The following RAC1 variants were observed in gnomAD, a reference collection of about 807,000 sequenced individuals.
RAC1 encodes ras-related C3 botulinum toxin substrate 1.
Under a neutral mutation model 25.2 loss-of-function variants are expected in RAC1, and 2 were observed. That is an observed-to-expected ratio of 0.08 (90% CI 0.03 to 0.25). The LOEUF is 0.25. RAC1 is among the 10% of genes least tolerant of loss of function. RAC1 has a pLI of 1.00. For missense variants in RAC1, 50 were observed against 235.7 expected, an observed-to-expected ratio of 0.21 and a Z score of 5.16; for synonymous variants, 88 against 94.0, an observed-to-expected ratio of 0.94 and a Z score of 0.37.
intron 2 of RAC1, among the ~76,000 whole-genome samples, chr7:6,389,705 T>G (rs1277982966): frequency 6.6e-6 from 1 of 152,014 alleles, no homozygotes; most frequent in East Asian, 1.9e-4. Flanking sequence ...AAATATGTGT[T>G]TTTGTAGAGC....
intron 3 of RAC1, among the ~76,000 whole-genome samples, chr7:6,393,735 T>A (rs1345789219): frequency 6.6e-6 from 1 of 152,140 alleles, no homozygotes; most frequent in Non-Finnish European, 1.5e-5. Flanking sequence ...CTCAGGTAGT[T>A]CACAGAAAAG....
intron 3 of RAC1, among the ~76,000 whole-genome samples, chr7:6,395,215 C>G (rs1783201653): frequency 6.6e-6 from 1 of 152,218 alleles, no homozygotes; most frequent in Non-Finnish European, 1.5e-5. Context: ...ATCCGCCTGC[C>G]TCTGCCTCCC....
At chr7:6,380,155 T>G (rs1200217640) in intron 1 of RAC1, among the ~76,000 whole-genome samples, 3 of 152,216 alleles carry the variant, frequency 2.0e-5, no homozygotes, top group Non-Finnish European at 4.4e-5. Context: ...TCTTTACTTC[T>G]GTTGAACGGT....
At chr7:6,400,834 C>G (rs948345168) in intron 4 of RAC1, among the ~76,000 whole-genome samples, 1 of 152,064 alleles carries the variant, frequency 6.6e-6, no homozygotes, top group Admixed American at 6.6e-5. Flanking sequence ...CACCACCACG[C>G]CCGGCTAATT....
intron 1 of RAC1, 36 bp downstream of exon 1, chr7:6,374,806 G>A: frequency 5.4e-6 from 6 of 1,105,734 alleles, no homozygotes; most frequent in Non-Finnish European, 5.5e-6. Context: ...GGAGGCCGCG[G>A]GATCGGGCGC....
intron 3 of RAC1, chr7:6,398,565 A>T: frequency 9.1e-7 from 1 of 1,093,582 alleles, no homozygotes; most frequent in Non-Finnish European, 1.4e-6. Flanking sequence ...CCGGAGGGTT[A>T]AGACAAAATT....
chr7:6,382,829 C>G (rs1782808649), intron 1 of RAC1, among the ~76,000 whole-genome samples: 2 of 152,204 alleles, frequency 1.3e-5, no homozygotes, highest in Non-Finnish European at 2.9e-5. Flanking sequence ...GCCAGGATTG[C>G]ACCATTGGGC....
intron 3 of RAC1, among the ~76,000 whole-genome samples, chr7:6,393,488 A>G (rs534232036): frequency 1.5e-4 from 23 of 152,292 alleles, no homozygotes; most frequent in African/African-American, 4.8e-4. Flanking sequence ...AAGGCCTCAC[A>G]GTAAGTCAAG....
chr7:6,376,567 A>G (rs1583255363), intron 1 of RAC1, among the ~76,000 whole-genome samples: 1 of 130,926 alleles, frequency 7.6e-6, no homozygotes, highest in Non-Finnish European at 1.5e-5. Context: ...CAATGGCGCG[A>G]TCTCTGCTCC....
intron 3 of RAC1, among the ~76,000 whole-genome samples, chr7:6,395,233 T>A (rs906126302): frequency 6.6e-6 from 1 of 152,196 alleles, no homozygotes; most frequent in Non-Finnish European, 1.5e-5. Flanking sequence ...CCCAAAGTGC[T>A]GGGATTACAG....
At position 6,402,908 on chromosome 7, in the gene RAC1, A is replaced by G. The variant is rs1783459637; in HGVS notation, c.*462A>G. 5.2e-6 allele frequency: 1 copy of G among 192,888 alleles called. No individual in the cohort carries two copies. The highest frequency in any genetic ancestry group is 1.1e-5 in the Non-Finnish European group (1 of 92,122). 11.9% of individuals were successfully genotyped at this position (192,888 alleles called of 1,614,324 possible). ...TATGTAGTTCTCAGATGCGTAAAGC[A>G]GAACAGCCTCCCGAATGAAGCGTTG... On this transcript the variant is annotated 3_prime_UTR_variant, in exon 6 of 6. Transcript: ENST00000348035.
intron 2 of RAC1, 97 bp downstream of exon 2, chr7:6,387,380 T>C (rs1782953341): frequency 5.9e-6 from 5 of 845,508 alleles, no homozygotes; most frequent in Non-Finnish European, 9.5e-6. Flanking sequence ...AATCCTCATA[T>C]GAACAGATAC....
chr7:6,403,145 G>A lies in RAC1; in HGVS notation c.*699G>A, dbSNP rs1562472040. 2.8e-5 allele frequency: 6 copies of A among 217,122 alleles called. No homozygotes were observed. In the East Asian group the frequency reaches 4.1e-4, roughly 15 times the overall value. The allele number at this position is 217,122 out of a possible 1,614,324, so 13.4% of individuals were successfully genotyped here. On this transcript the variant is annotated 3_prime_UTR_variant, in exon 6 of 6. Coordinates refer to ENST00000348035, the MANE Select transcript of RAC1 (RefSeq NM_006908.5). ...TGGGTGTGCCGGGTGGGGTGTGTGT[G>A]ATCAAAGGACAAAGACAGTATTTTG...
intron 1 of RAC1, among the ~76,000 whole-genome samples, chr7:6,386,844 T>G (rs1782937104): frequency 6.6e-6 from 1 of 151,010 alleles, no homozygotes; most frequent in Admixed American, 6.6e-5. Context: ...AGGATCAAAC[T>G]TAAGATTCTT....
intron 4 of RAC1, 114 bp downstream of exon 4, chr7:6,400,302 A>G (rs1440509708): frequency 1.6e-5 from 17 of 1,068,322 alleles, no homozygotes; most frequent in East Asian, 4.8e-5. Context: ...GGTTTTAGCA[A>G]TTTGCTACTT....
intron 1 of RAC1, 51 bp downstream of exon 1, chr7:6,374,821 G>C (rs2303362): frequency 1.5e-4 from 158 of 1,088,588 alleles, no homozygotes; most frequent in African/African-American, 1.4e-4. Flanking sequence ...GGGCGCGGAG[G>C]GGGGTTGGGC....
At chr7:6,401,604 C>CT (rs1562470969) in intron 4 of RAC1, 3 of 276,238 alleles carry the variant, frequency 1.1e-5, no homozygotes, top group Non-Finnish European at 6.8e-6. Context: ...CCCTTCCCCC[C>CT]TTCCCCTGCG....
rs2115218982 is a variant in RAC1 at position 6,402,438 on chromosome 7, C to A, written c.571C>A (p.Leu191Met). The A allele has an allele frequency of 6.8e-7, 1 of 1,468,866 alleles. No homozygotes were observed. The allele number at this position is 1,468,866 out of a possible 1,614,324, so 91.0% of individuals were successfully genotyped here. ...GAAGAAGAGGAAGAGAAAATGCCTGCTGTTGTAAATGTCTCAGCCCCTCGT... is the reference window on the plus strand; with the variant it reads ...GAAGAAGAGGAAGAGAAAATGCCTGATGTTGTAAATGTCTCAGCCCCTCGT... ...PVKKRKRKCL[L>M]L Residue 191 changes from leucine (L) to methionine (M), a missense_variant, in exon 6 of 6, where the codon CTG (leucine) becomes ATG (methionine). Physicochemically the swap from Leu to Met is conservative, Grantham distance 15. Coordinates refer to ENST00000348035, the MANE Select transcript of RAC1 (RefSeq NM_006908.5).
intron 3 of RAC1, among the ~76,000 whole-genome samples, 173 bp downstream of exon 3, chr7:6,392,214 G>GAAC (rs1195516972): frequency 1.3e-5 from 2 of 152,158 alleles, no homozygotes; most frequent in Non-Finnish European, 2.9e-5. Context: ...GCAAGCCCAG[G>GAAC]GGTTTTGTGT....
Sources: allele counts gnomAD v4.1 joint callset (sites outside exome capture counted in the v4.1 genomes callset), GRCh38; gene constraint gnomAD v4.1.1; transcripts MANE v1.5; gene names NCBI Gene and HGNC (gene_info 2026-07-23, HGNC 2026-07-21).